PRSS1: variants seen among roughly 807,000 people sequenced by gnomAD.
PRSS1 encodes the protein TCR V beta 4.1.
Under a neutral mutation model 24.2 loss-of-function variants are expected in PRSS1, and 22 were observed. The observed-to-expected ratio is 0.91, with a 90% confidence interval of 0.65 to 1.30. PRSS1 has a LOEUF of 1.30. Among genes scored for constraint, PRSS1 ranks in the 50% most tolerant of loss-of-function variants. The pLI, the probability that PRSS1 is intolerant of heterozygous loss-of-function variation, is 0.00. For synonymous variants in PRSS1, 126 were observed against 116.1 expected (o/e 1.08, Z -0.55); for missense variants, 366 against 304.2 (o/e 1.20, Z -1.51).
In PRSS1 at chr7:142,752,456, C is replaced by T. The variant is rs200267714; in HGVS notation, c.480C>T (p.Cys160=). The T allele has an allele frequency of 1.9e-6, 3 of 1,614,134 alleles. No individual in the cohort carries two copies. The highest frequency in any genetic ancestry group is 3.3e-5 in the Admixed American group (2 of 60,026). Residue 160 remains cysteine (C), a synonymous_variant, in exon 4 of 5, where the codon TGC becomes TGT. Transcript: ENST00000311737. ...CCGACTACCCAGACGAGCTGCAGTG[C>T]CTGGATGCTCCTGTGCTGAGCCAGG... ...SGADYPDELQ[C]LDAPVLSQAK...
chr7:142,752,770 C>T (rs1798861779), intron 4 of PRSS1, 98 bp from the exon 5 acceptor site: 3 of 1,532,376 alleles, frequency 2.0e-6, no homozygotes, highest in Non-Finnish European at 2.7e-6. Flanking sequence ...GACATGGAGC[C>T]ACAGAGCTGG....
chr7:142,750,703 C>G lies in PRSS1; in HGVS notation c.189C>G (p.His63Gln). 6.2e-7 allele frequency: 1 copy of G among 1,613,922 alleles called. No homozygotes were observed. The highest frequency in any genetic ancestry group is 8.5e-7 in the Non-Finnish European group (1 of 1,179,840). ...INEQWVVSAGHCYKSRIQVRL... is the reference protein window; with the variant it reads ...INEQWVVSAGQCYKSRIQVRL... The stretch of plus-strand genomic sequence containing the variant: ...AACAGTGGGTGGTATCAGCAGGCCA[C>G]TGCTACAAGTCGTAAGTGTGGGGCC... The change falls in exon 2 of 5, where the codon CAC becomes CAG. Residue 63 changes from histidine to glutamine, a missense_variant. Physicochemically the swap from His to Gln is conservative, Grantham distance 24. Coordinates refer to ENST00000311737, the MANE Select transcript of PRSS1 (RefSeq NM_002769.5).
intron 3 of PRSS1, 102 bp downstream of exon 3, chr7:142,752,129 C>T: frequency 1.3e-6 from 2 of 1,530,856 alleles, no homozygotes; most frequent in East Asian, 4.5e-5. Flanking sequence ...GCTTAAGACA[C>T]ATTTCGAGTG....
At chr7:142,750,170 CAA>C (rs1339797675) in intron 1 of PRSS1, among the ~76,000 whole-genome samples, 2 of 151,952 alleles carry the variant, frequency 1.3e-5, no homozygotes, top group Admixed American at 6.6e-5. Context: ...CCTAGCTTGG[CAA>C]AAGAATCCTG....
At chr7:142,750,142 A>G (rs1333071502) in intron 1 of PRSS1, among the ~76,000 whole-genome samples, 2 of 151,652 alleles carry the variant, frequency 1.3e-5, no homozygotes, top group African/African-American at 4.9e-5. Context: ...GGCCAGGTCT[A>G]TGCAGACAGG....
chr7:142,751,592 A>C (rs1798736185), intron 2 of PRSS1, 182 bp from the exon 3 acceptor site: 3 of 1,087,648 alleles, frequency 2.8e-6, no homozygotes, highest in Admixed American at 2.3e-5. Context: ...TGGAGCAGAT[A>C]GGTCCTGGGT....
chr7:142,751,505 A>C (rs112509615), intron 2 of PRSS1: 1 of 609,536 alleles, frequency 1.6e-6, no homozygotes, highest in Non-Finnish European at 2.9e-6. Flanking sequence ...TGTGGGAAAG[A>C]GTCTGGGGAG....
chr7:142,749,488 A>C lies in PRSS1; in HGVS notation c.4A>C (p.Asn2His), dbSNP rs762980620. The C allele has an allele frequency of 1.2e-6, 2 of 1,613,992 alleles. No individual in the cohort carries two copies. The highest frequency in any genetic ancestry group is 1.7e-6 in the Non-Finnish European group (2 of 1,180,016). Residue 2 changes from asparagine (N) to histidine (H), a missense_variant, in exon 1 of 5, where the codon AAT becomes CAT. Transcript: ENST00000311737. ...CAGTCAGGCACACTCTACCACCATG[A>C]ATCCACTCCTGATCCTTACCTTTGT... M[N>H]PLLILTFVAA...
In PRSS1 at chr7:142,751,943, T is replaced by C. The variant is rs1798775039; in HGVS notation, c.370T>C (p.Ser124Pro). 1 of 1,614,010 alleles carries C rather than the reference T, an allele frequency of 6.2e-7. No homozygotes were observed. The highest frequency in any genetic ancestry group is 8.5e-7 in the Non-Finnish European group (1 of 1,179,986). Residue 124 changes from serine (S) to proline (P), a missense_variant, in exon 3 of 5, where the codon TCC becomes CCC. By Grantham distance (74) the Ser-to-Pro change is moderately conservative. Coordinates refer to ENST00000311737, the MANE Select transcript of PRSS1 (RefSeq NM_002769.5). ...ACGTGCAGTAATCAACGCCCGCGTG[T>C]CCACCATCTCTCTGCCCACCGCCCC... is the stretch of plus-strand genomic sequence containing the variant. The part of the protein sequence containing the change: ...SSRAVINARV[S>P]TISLPTAPPA...
intron 2 of PRSS1, chr7:142,751,051 G>A (rs113936106): frequency 7.5e-4 from 528 of 703,154 alleles, no homozygotes; most frequent in African/African-American, 6.5e-3. Flanking sequence ...AAATACAGAT[G>A]CCTTTGTCCT....
intron 1 of PRSS1, among the ~76,000 whole-genome samples, chr7:142,749,818 G>C (rs919449290): frequency 6.6e-6 from 1 of 152,168 alleles, no homozygotes. Flanking sequence ...TTCAGGCTTG[G>C]CTCCAACAGC....
chr7:142,750,153 G>C (rs972473963), intron 1 of PRSS1, among the ~76,000 whole-genome samples: 5 of 151,818 alleles, frequency 3.3e-5, no homozygotes, highest in African/African-American at 1.2e-4. Context: ...TGCAGACAGG[G>C]GGTTTTCCTA....
At chr7:142,752,255 G>A (rs1798807664) in intron 3 of PRSS1, among the ~76,000 whole-genome samples, 176 bp from the exon 4 acceptor site, 1 of 152,152 alleles carries the variant, frequency 6.6e-6, no homozygotes, top group Admixed American at 6.5e-5. Flanking sequence ...CATCTTGGGA[G>A]GGGTTCAACA....
chr7:142,751,179 A>C, intron 2 of PRSS1: 1 of 684,228 alleles, frequency 1.5e-6, no homozygotes. Flanking sequence ...TGCTGCCTAC[A>C]CCAAGAACTC....
chr7:142,750,809 A>T (rs1389393255), intron 2 of PRSS1, 95 bp downstream of exon 2: 1 of 1,578,336 alleles, frequency 6.3e-7, no homozygotes, highest in East Asian at 2.2e-5. Flanking sequence ...GGTAAGATGG[A>T]TGGGAGAGGT....
In PRSS1 at chr7:142,750,582, A is replaced by G. The variant is rs111033567; in HGVS notation, c.68A>G (p.Lys23Arg). 1 of 1,614,034 alleles carries G rather than the reference A, an allele frequency of 6.2e-7. No homozygotes were observed. Among genetic ancestry groups the G allele is most frequent in the Non-Finnish European group, 8.5e-7 (1 of 1,179,874 alleles). Residue 23 changes from lysine to arginine, a missense_variant, in exon 2 of 5, where the codon AAG becomes AGG. Transcript: ENST00000311737. ...ALAAPFDDDDKIVGGYNCEEN... is the reference protein window; with the variant it reads ...ALAAPFDDDDRIVGGYNCEEN... ...GCTGCCCCCTTTGATGATGATGACA[A>G]GATCGTTGGGGGCTACAACTGTGAG...
intron 2 of PRSS1, chr7:142,751,565 C>G (rs1462927775): frequency 1.1e-6 from 1 of 872,508 alleles, no homozygotes; most frequent in South Asian, 1.8e-5. Context: ...CTTCCCCACC[C>G]CACTACCACC....
intron 2 of PRSS1, 53 bp from the exon 3 acceptor site, chr7:142,751,721 T>G (rs745503927): frequency 3.1e-6 from 5 of 1,614,112 alleles, no homozygotes; most frequent in East Asian, 2.2e-5. Flanking sequence ...GAAGGTGGGA[T>G]AGGTGCCCTG....
In PRSS1 at chr7:142,752,511, A is replaced by C. The variant is rs1386024325; in HGVS notation, c.535A>C (p.Ile179Leu). The change falls in exon 4 of 5, where the codon ATT becomes CTT. Residue 179 changes from isoleucine to leucine, a missense_variant. By Grantham distance (5) the Ile-to-Leu change is conservative. Transcript: ENST00000311737. ...AKCEASYPGK[I>L]TSNMFCVGFL... ...GTGTGAAGCCTCCTACCCTGGAAAG[A>C]TTACCAGCAACATGTTCTGTGTGGG... is the stretch of plus-strand genomic sequence containing the variant. 6.2e-7 allele frequency: 1 copy of C among 1,614,200 alleles called. No homozygotes were observed. The highest frequency in any genetic ancestry group is 8.5e-7 in the Non-Finnish European group (1 of 1,180,020).
Sources: allele counts gnomAD v4.1 joint callset (sites outside exome capture counted in the v4.1 genomes callset), GRCh38; gene constraint gnomAD v4.1.1; transcripts MANE v1.5; gene names NCBI Gene and HGNC (gene_info 2026-07-23, HGNC 2026-07-21).